Variants in BRAF observed in about 807,000 individuals in gnomAD.
The protein encoded by BRAF is serine/threonine-protein kinase B-raf.
Under a neutral mutation model 104.6 loss-of-function variants are expected in BRAF, and 16 were observed. The observed-to-expected ratio is 0.15, with a 90% CI of 0.10 to 0.23. BRAF has a LOEUF of 0.23. BRAF is among the 10% of genes least tolerant of loss of function. The probability of loss-of-function intolerance (pLI) is 1.00; values close to 1 mark genes in which losing one functional copy is unlikely to be tolerated. For missense variants in BRAF, 541 were observed against 937.3 expected, an observed-to-expected ratio of 0.58 and a Z score of 5.52; for synonymous variants, 310 against 341.6, an observed-to-expected ratio of 0.91 and a Z score of 1.02.
chr7:140,902,706 G>A (rs1815796643), intron 1 of BRAF, among the ~76,000 whole-genome samples: 1 of 152,232 alleles, frequency 6.6e-6, no homozygotes, highest in Non-Finnish European at 1.5e-5. Flanking sequence ...GCCAAGGTGG[G>A]AGGATTGCTT....
chr7:140,890,087 C>T (rs554489138), intron 1 of BRAF, among the ~76,000 whole-genome samples: 1 of 152,238 alleles, frequency 6.6e-6, no homozygotes, highest in South Asian at 2.1e-4. Context: ...GCTTTGTAAC[C>T]TTAGGCAAAT....
chr7:140,774,569 T>C (rs1226938995), intron 14 of BRAF, among the ~76,000 whole-genome samples: 2 of 152,170 alleles, frequency 1.3e-5, no homozygotes, highest in African/African-American at 4.8e-5. Context: ...CCAGGCTGGA[T>C]GCAGTGGCAC....
At chr7:140,753,916 T>C (rs150993858) in intron 15 of BRAF, 409 of 512,514 alleles carry the variant, frequency 8.0e-4, no homozygotes, top group Non-Finnish European at 1.3e-3. Context: ...CTATCAGTTT[T>C]ATAGTGCTGA....
At chr7:140,747,148 A>T (rs1291058537) in intron 17 of BRAF, among the ~76,000 whole-genome samples, 1 of 152,208 alleles carries the variant, frequency 6.6e-6, no homozygotes, top group Non-Finnish European at 1.5e-5. Flanking sequence ...TTCACTGAGG[A>T]TGGCCAGAGT....
chr7:140,888,922 T>A (rs962970344), intron 1 of BRAF, among the ~76,000 whole-genome samples: 3 of 152,188 alleles, frequency 2.0e-5, no homozygotes, highest in Non-Finnish European at 4.4e-5. Context: ...CCGGCATTTT[T>A]GATGTTTCTA....
intron 2 of BRAF, chr7:140,835,199 C>T (rs1332164122): frequency 3.2e-5 from 9 of 281,694 alleles, no homozygotes; most frequent in South Asian, 5.0e-5. Context: ...TCATGTCTAA[C>T]GTAAGATAAA....
rs1795222736 is a variant in BRAF at position 140,719,533 on chromosome 7, T to C, written c.*6961A>G. The C allele has an allele frequency of 9.6e-7, 1 of 1,043,340 alleles. No homozygotes were observed. The highest frequency in any genetic ancestry group is 1.7e-5 in the African/African-American group (1 of 60,146). The allele number at this position is 1,043,340 out of a possible 1,614,324, so 64.6% of individuals were successfully genotyped here. A position where few individuals can be genotyped will look rare whatever the true frequency, so the allele number is the denominator to read the frequency against. ...AACAATATTTTCTGTTATACAAATT[T>C]ACATGAGAAAAACTCCAAAGTACAA... On this transcript the variant is annotated 3_prime_UTR_variant, in exon 20 of 20. Coordinates refer to ENST00000644969, the MANE Select transcript of BRAF (RefSeq NM_001374258.1).
At chr7:140,787,185 C>T (rs1562959550) in intron 9 of BRAF, among the ~76,000 whole-genome samples, 1 of 151,238 alleles carries the variant, frequency 6.6e-6, no homozygotes, top group Non-Finnish European at 1.5e-5. Flanking sequence ...CCTGTAGTCC[C>T]AGCTACTCGG....
chr7:140,847,228 T>A (rs984738643), intron 2 of BRAF, among the ~76,000 whole-genome samples: 2 of 151,982 alleles, frequency 1.3e-5, no homozygotes, highest in South Asian at 2.1e-4. Context: ...TGTCTATATA[T>A]CCATCCCCTC....
rs563382605 is a variant in BRAF, at chr7:140,754,249, T to C, written c.1815-16A>G. On this transcript the variant is annotated splice_polypyrimidine_tract_variant and intron_variant, in intron 14 of 19. Coordinates refer to ENST00000644969, the MANE Select transcript of BRAF (RefSeq NM_001374258.1). ...GTGTAAGTAACTGAAAAACAAAACATCATTTTAACCTGAGTAGGGCTAAAG... is the reference window on the plus strand; with the variant it reads ...GTGTAAGTAACTGAAAAACAAAACACCATTTTAACCTGAGTAGGGCTAAAG... 6.2e-7 allele frequency: 1 copy of C among 1,612,790 alleles called. No homozygotes were observed. The highest frequency in any genetic ancestry group is 8.5e-7 in the Non-Finnish European group (1 of 1,178,968).
At chr7:140,810,007 GAC>G (rs1335324607) in intron 3 of BRAF, among the ~76,000 whole-genome samples, 1 of 152,144 alleles carries the variant, frequency 6.6e-6, no homozygotes, top group African/African-American at 2.4e-5. Flanking sequence ...GAATACAGAG[GAC>G]ACAGTTTTTA....
Position 140,785,815 on chromosome 7 carries a change from G to C in BRAF, c.1178-7C>G, listed in dbSNP as rs1801295733. ...ATCAGCTGGTTCAAAGGGGCTGTTA[G>C]AAGAGAAAGAGAGGGGCAGGCAAAC... On this transcript the variant is annotated splice_polypyrimidine_tract_variant and splice_region_variant and intron_variant, in intron 9 of 19. Coordinates refer to ENST00000644969, the MANE Select transcript of BRAF (RefSeq NM_001374258.1). 2.5e-6 allele frequency: 1 copy of C among 398,854 alleles called. No homozygotes were observed. Among genetic ancestry groups the C allele is most frequent in the African/African-American group, 2.1e-5 (1 of 48,580 alleles). 24.7% of individuals were successfully genotyped at this position (398,854 alleles called of 1,614,324 possible). A position where few individuals can be genotyped will look rare whatever the true frequency, so the allele number is the denominator to read the frequency against.
chr7:140,781,267 T>C (rs1007968499), intron 12 of BRAF: 7 of 374,874 alleles, frequency 1.9e-5, no homozygotes, highest in Admixed American at 7.7e-5. Context: ...TTGTGACTTA[T>C]AATACAAATA....
chr7:140,844,282 T>C (rs1445534594), intron 2 of BRAF, among the ~76,000 whole-genome samples: 1 of 152,166 alleles, frequency 6.6e-6, no homozygotes, highest in Non-Finnish European at 1.5e-5. Context: ...TTCTGGCTAT[T>C]GTATTTTTAA....
rs1232527656 is a variant in BRAF at position 140,722,288 on chromosome 7, T to C, written c.*4206A>G. Reference sequence around the variant, plus strand: ...TCATTGTTAAATGTGATTTTGGCTATAAACTCTTTAGTGCATTTACCTATG... The same window carrying C: ...TCATTGTTAAATGTGATTTTGGCTACAAACTCTTTAGTGCATTTACCTATG... On this transcript the variant is annotated 3_prime_UTR_variant, in exon 20 of 20. Transcript: ENST00000644969. 1.2e-5 allele frequency: 13 copies of C among 1,055,936 alleles called. No individual in the cohort carries two copies. Among genetic ancestry groups the C allele is most frequent in the Non-Finnish European group, 1.5e-5 (13 of 873,494 alleles). The allele number at this position is 1,055,936 out of a possible 1,614,324, so 65.4% of individuals were successfully genotyped here. A position where few individuals can be genotyped will look rare whatever the true frequency, so the allele number is the denominator to read the frequency against.
At chr7:140,789,465 T>A (rs1407312458) in intron 8 of BRAF, among the ~76,000 whole-genome samples, 3 of 152,192 alleles carry the variant, frequency 2.0e-5, no homozygotes, top group Admixed American at 2.0e-4. Flanking sequence ...TCATGTTTAA[T>A]GTATCATATA....
intron 14 of BRAF, among the ~76,000 whole-genome samples, chr7:140,765,076 G>C (rs1799172717): frequency 6.6e-6 from 1 of 152,054 alleles, no homozygotes; most frequent in African/African-American, 2.4e-5. Context: ...AACCAAAACA[G>C]CATGGTACTG....
rs150158395 is a variant in BRAF at position 140,853,163 on chromosome 7, C to G, written c.139-2951G>C. Among the ~76,000 whole-genome samples, 572 of 151,300 alleles carry G rather than the reference C, an allele frequency of 3.8e-3. 3 individuals are homozygous for G. The highest frequency in any genetic ancestry group is 6.3e-3 in the Non-Finnish European group (426 of 67,908). ...GTGGCTCACGCCTGTAATCTCAGCA[C>G]TTTGGGAGGCTGAGACGGGAGGATC... is the stretch of plus-strand genomic sequence containing the variant. On this transcript the variant is annotated intron_variant, in intron 1 of 19. Transcript: ENST00000644969.
At chr7:140,845,403 A>G (rs1486666071) in intron 2 of BRAF, among the ~76,000 whole-genome samples, 1 of 152,212 alleles carries the variant, frequency 6.6e-6, no homozygotes, top group African/African-American at 2.4e-5. Context: ...GTAAAAAGGG[A>G]ACCCACACAA....
Sources: gnomAD v4.1 joint callset for allele counts (sites outside exome capture counted in the v4.1 genomes callset) on GRCh38, gnomAD v4.1.1 for gene constraint, MANE v1.5 for transcripts, NCBI Gene and HGNC (gene_info 2026-07-23, HGNC 2026-07-21) for gene names.